Variants in NCOA2 observed in about 807,000 individuals in gnomAD.
The protein encoded by NCOA2 is class E basic helix-loop-helix protein 75.
A neutral mutation model predicts 145.1 loss-of-function variants in NCOA2; 21 were observed. The ratio of observed to expected loss-of-function variants is 0.14; its 90% CI spans 0.10 to 0.21. The LOEUF (loss-of-function observed/expected upper bound fraction) is 0.21, where lower values mean the gene tolerates loss of function less well. Among genes scored for constraint, NCOA2 ranks in the 10% least tolerant of loss-of-function variants. The pLI is 1.00. For synonymous variants in NCOA2, 619 were observed against 637.5 expected (o/e 0.97, Z 0.44); for missense variants, 1,472 against 1,837.6 (o/e 0.80, Z 3.64).
At chr8:70,264,526 C>G (rs1420749386) in intron 2 of NCOA2, among the ~76,000 whole-genome samples, 5 of 152,016 alleles carry the variant, frequency 3.3e-5, no homozygotes, top group Non-Finnish European at 7.4e-5. Flanking sequence ...AAGTCTTATA[C>G]CAAATGTCAA....
chr8:70,352,014 CT>C (rs999100581), intron 1 of NCOA2, among the ~76,000 whole-genome samples: 1 of 151,784 alleles, frequency 6.6e-6, no homozygotes, highest in African/African-American at 2.4e-5. Context: ...TACAATTATG[CT>C]TTTTTTCAAT....
Position 70,388,382 on chromosome 8 carries a change from G to A in NCOA2, c.-77+15318C>T, listed in dbSNP as rs1000836057. Among the ~76,000 whole-genome samples the A allele has an allele frequency of 4.6e-5, 7 of 152,202 alleles. No homozygotes were observed. In the East Asian group the frequency reaches 9.7e-4, roughly 21 times the overall value. The stretch of plus-strand genomic sequence containing the variant: ...GGCCTCTTTAGGATTCCTTTTCCCT[G>A]ATGAAATCTCATCTAGGCCGGTCTT... On this transcript the variant is annotated intron_variant, in intron 1 of 22. Coordinates refer to ENST00000452400, the MANE Select transcript of NCOA2 (RefSeq NM_006540.4).
chr8:70,393,430 T>A (rs1427453796), intron 1 of NCOA2, among the ~76,000 whole-genome samples: 2 of 152,182 alleles, frequency 1.3e-5, no homozygotes, highest in Non-Finnish European at 2.9e-5. Flanking sequence ...GGCCTCCACC[T>A]GCTGAGACTT....
chr8:70,357,669 A>T (rs1809839745), intron 1 of NCOA2, among the ~76,000 whole-genome samples: 1 of 152,016 alleles, frequency 6.6e-6, no homozygotes, highest in African/African-American at 2.4e-5. Context: ...TGAACCTGGG[A>T]GGCGGAGCTT....
intron 1 of NCOA2, among the ~76,000 whole-genome samples, chr8:70,352,021 T>C (rs1276118173): frequency 1.3e-5 from 2 of 152,142 alleles, no homozygotes; most frequent in Admixed American, 6.6e-5. Context: ...ATGCTTTTTT[T>C]CAATTTTTCA....
At chr8:70,403,877 T>TCCTCCTCCA, upstream of NCOA2, 1 of 378,152 alleles carries the variant, frequency 2.6e-6, no homozygotes, top group Non-Finnish European at 4.7e-6. Flanking sequence ...CTCCTCCTCC[T>TCCTCCTCCA]CCGCGTCTCC....
intron 1 of NCOA2, among the ~76,000 whole-genome samples, chr8:70,337,760 G>A (rs1386907213): frequency 6.6e-6 from 1 of 152,052 alleles, no homozygotes; most frequent in Non-Finnish European, 1.5e-5. Flanking sequence ...AGACAACAGC[G>A]CAATCAAATT....
intron 2 of NCOA2, among the ~76,000 whole-genome samples, chr8:70,282,357 T>A (rs1266947125): frequency 2.0e-5 from 3 of 152,156 alleles, no homozygotes; most frequent in Non-Finnish European, 2.9e-5. Flanking sequence ...TTATTATGGG[T>A]CCCGTCTTTT....
chr8:70,366,128 A>C (rs1461784073), intron 1 of NCOA2, among the ~76,000 whole-genome samples: 1 of 152,200 alleles, frequency 6.6e-6, no homozygotes, highest in African/African-American at 2.4e-5. Flanking sequence ...CTCAAAAGCC[A>C]CAAGACCAAT....
intron 2 of NCOA2, among the ~76,000 whole-genome samples, chr8:70,272,856 A>G (rs1825159752): frequency 6.6e-6 from 1 of 151,222 alleles, no homozygotes; most frequent in African/African-American, 2.4e-5. Flanking sequence ...AAACACTTAT[A>G]AAGTAATAAT....
At position 70,110,206 on chromosome 8, in the gene NCOA2, T is replaced by C. The variant is rs141804907; in HGVS notation, c.*3426A>G. ...ACAGTTAAATGTCTGAAGAAATGTA[T>C]CATCATCACTATTCAAACAACATAA... On this transcript the variant is annotated 3_prime_UTR_variant, in exon 23 of 23. Coordinates refer to ENST00000452400, the MANE Select transcript of NCOA2 (RefSeq NM_006540.4). 2.8e-3 allele frequency: 563 copies of C among 202,354 alleles called. 3 individuals carry two copies. Among genetic ancestry groups the C allele is most frequent in the Middle Eastern group, 6.8e-3 (4 of 584 alleles). 12.5% of individuals were successfully genotyped at this position (202,354 alleles called of 1,614,324 possible).
intron 1 of NCOA2, among the ~76,000 whole-genome samples, chr8:70,341,249 A>G (rs1426306201): frequency 1.3e-5 from 2 of 152,016 alleles, no homozygotes; most frequent in Non-Finnish European, 2.9e-5. Context: ...CAGGCATGGT[A>G]GCACATGCCA....
chr8:70,264,481 T>A (rs1824399685), intron 2 of NCOA2, among the ~76,000 whole-genome samples: 1 of 151,946 alleles, frequency 6.6e-6, no homozygotes, highest in South Asian at 2.1e-4. Flanking sequence ...GGCAACAGAA[T>A]GAGACTCCAT....
chr8:70,312,556 T>G (rs185671821), intron 1 of NCOA2, among the ~76,000 whole-genome samples: 1 of 151,834 alleles, frequency 6.6e-6, no homozygotes, highest in African/African-American at 2.4e-5. Flanking sequence ...TAAAGCACTT[T>G]TGTTCCAATG....
chr8:70,194,676 C>CTT (rs199803538), intron 4 of NCOA2, among the ~76,000 whole-genome samples: 46 of 109,762 alleles, frequency 4.2e-4, no homozygotes, highest in Non-Finnish European at 6.5e-4. Flanking sequence ...CTTTTATCTT[C>CTT]TTTTTTTTTT....
chr8:70,380,674 T>C (rs1563826790), intron 1 of NCOA2, among the ~76,000 whole-genome samples: 1 of 152,110 alleles, frequency 6.6e-6, no homozygotes, highest in Non-Finnish European at 1.5e-5. Context: ...TGCACTATTA[T>C]TACGCTACCA....
At chr8:70,303,163 C>T (rs1408085640) in intron 1 of NCOA2, among the ~76,000 whole-genome samples, 8 of 152,190 alleles carry the variant, frequency 5.3e-5, no homozygotes, top group African/African-American at 1.9e-4. Flanking sequence ...ACTAAATTGG[C>T]AGCCCTTGAC....
chr8:70,250,975 T>C (rs1322697812), intron 2 of NCOA2, among the ~76,000 whole-genome samples: 1 of 152,206 alleles, frequency 6.6e-6, no homozygotes, highest in Non-Finnish European at 1.5e-5. Flanking sequence ...AGTAAGATAG[T>C]AAGGGAAAAA....
intron 1 of NCOA2, among the ~76,000 whole-genome samples, chr8:70,344,631 T>C (rs891570335): frequency 6.6e-6 from 1 of 152,162 alleles, no homozygotes; most frequent in Admixed American, 6.5e-5. Flanking sequence ...GACTCTATTC[T>C]GTGAAGTGGA....
Sources: allele counts gnomAD v4.1 joint callset (sites outside exome capture counted in the v4.1 genomes callset), GRCh38; gene constraint gnomAD v4.1.1; transcripts MANE v1.5; gene names NCBI Gene and HGNC (gene_info 2026-07-23, HGNC 2026-07-21).